Variants in SMIM10L3 observed in about 807,000 individuals in gnomAD.
SMIM10L3 encodes small integral membrane protein 10 like 3.
chr7:6,344,976 G>C, the SMIM10L3 span, among the ~76,000 whole-genome samples: 2 of 151,990 alleles, frequency 1.3e-5, no homozygotes, highest in Non-Finnish European at 2.9e-5. Context: ...CCTGACCTCA[G>C]GTGATCTGCC....
At chr7:6,331,150 C>T in the SMIM10L3 span, 2 of 1,610,094 alleles carry the variant, frequency 1.2e-6, no homozygotes, top group Admixed American at 3.4e-5. Context: ...TCTTCTGTCC[C>T]TCATGCTTCG....
chr7:6,332,113 GA>G, the SMIM10L3 span, among the ~76,000 whole-genome samples: 46,950 of 128,906 alleles, frequency 0.36, 10,203 homozygotes, highest in African/African-American at 0.63. Flanking sequence ...CCATCTCACG[GA>G]AAAAAAAAAA....
At chr7:6,335,986 T>TA in the SMIM10L3 span, among the ~76,000 whole-genome samples, 2 of 151,918 alleles carry the variant, frequency 1.3e-5, no homozygotes, top group Non-Finnish European at 2.9e-5. Context: ...CAGCCTGGTC[T>TA]ACACGGTGAA....
chr7:6,342,138 G>A, the SMIM10L3 span, among the ~76,000 whole-genome samples: 5 of 152,066 alleles, frequency 3.3e-5, no homozygotes, highest in Admixed American at 3.3e-4. Context: ...GTATTAGGTT[G>A]GTATACCAAG....
chr7:6,342,046 G>C, the SMIM10L3 span: 1 of 151,962 alleles, frequency 6.6e-6, no homozygotes, highest in Non-Finnish European at 1.5e-5. Flanking sequence ...AGATTCTAAA[G>C]ATTTTCTGCC....
the SMIM10L3 span, chr7:6,341,895 G>C: frequency 6.6e-6 from 1 of 151,926 alleles, no homozygotes. Context: ...CTGCTTGGGA[G>C]GCTGAGGCAG....
the SMIM10L3 span, among the ~76,000 whole-genome samples, chr7:6,334,126 G>C: frequency 1.3e-5 from 2 of 151,374 alleles, no homozygotes; most frequent in Admixed American, 1.3e-4. Flanking sequence ...GATTACAAGC[G>C]TGAGCCACCG....
At chr7:6,331,061 T>C in the SMIM10L3 span, 6 of 1,613,652 alleles carry the variant, frequency 3.7e-6, no homozygotes, top group East Asian at 1.1e-4. Context: ...GGCATTCTTT[T>C]CTTAAGGCTG....
the SMIM10L3 span, among the ~76,000 whole-genome samples, chr7:6,345,523 TATAA>T: frequency 6.6e-6 from 1 of 152,108 alleles, no homozygotes; most frequent in South Asian, 2.1e-4. Context: ...GAGAGGTGGT[TATAA>T]ATAGAGAAGC....
At chr7:6,337,619 G>GTATA in the SMIM10L3 span, among the ~76,000 whole-genome samples, 1 of 151,268 alleles carries the variant, frequency 6.6e-6, no homozygotes, top group East Asian at 1.9e-4. Flanking sequence ...AACTAACGCA[G>GTATA]TATAAGGTAC....
chr7:6,330,768 G>A, the SMIM10L3 span: 12 of 1,614,142 alleles, frequency 7.4e-6, no homozygotes, highest in Non-Finnish European at 1.0e-5. Context: ...CTCCCAGCCA[G>A]TCTCGCCGCC....
chr7:6,337,336 G>A, the SMIM10L3 span, among the ~76,000 whole-genome samples: 1 of 152,060 alleles, frequency 6.6e-6, no homozygotes, highest in Non-Finnish European at 1.5e-5. Context: ...TGGCCAGGCT[G>A]GTCTCTAACT....
the SMIM10L3 span, among the ~76,000 whole-genome samples, chr7:6,342,844 C>G: frequency 6.6e-6 from 1 of 151,720 alleles, no homozygotes; most frequent in Admixed American, 6.6e-5. Context: ...CGAGACCACC[C>G]TGGGCAACAT....
At chr7:6,332,631 G>C in the SMIM10L3 span, among the ~76,000 whole-genome samples, 1 of 152,086 alleles carries the variant, frequency 6.6e-6, no homozygotes, top group Non-Finnish European at 1.5e-5. Flanking sequence ...CTGGGAGGCA[G>C]AGGTCACAGT....
At chr7:6,333,645 G>A in the SMIM10L3 span, among the ~76,000 whole-genome samples, 3 of 150,584 alleles carry the variant, frequency 2.0e-5, no homozygotes, top group Non-Finnish European at 4.4e-5. Context: ...ATTACAGGCA[G>A]GCACCACCAC....
the SMIM10L3 span, among the ~76,000 whole-genome samples, chr7:6,339,320 T>C: frequency 6.6e-6 from 1 of 151,778 alleles, no homozygotes; most frequent in Non-Finnish European, 1.5e-5. Flanking sequence ...AATTAAAAAA[T>C]TAGCTGGGTG....
chr7:6,330,549 C>A, the SMIM10L3 span: 1 of 1,614,196 alleles, frequency 6.2e-7, no homozygotes, highest in South Asian at 1.1e-5. Flanking sequence ...CACTCAGGAG[C>A]ACTTCGGGAT....
chr7:6,339,864 G>A, the SMIM10L3 span, among the ~76,000 whole-genome samples: 1 of 151,476 alleles, frequency 6.6e-6, no homozygotes, highest in Admixed American at 6.6e-5. Context: ...TGCAGAGGCC[G>A]GGTGCCAGCT....
the SMIM10L3 span, chr7:6,329,465 C>G: frequency 2.0e-5 from 3 of 152,516 alleles, no homozygotes; most frequent in Non-Finnish European, 2.9e-5. Flanking sequence ...TCATTTTCCC[C>G]AAACACTAAA....
Sources: gnomAD v4.1 joint callset for allele counts (sites outside exome capture counted in the v4.1 genomes callset) on GRCh38, gnomAD v4.1.1 for gene constraint, MANE v1.5 for transcripts, NCBI Gene and HGNC (gene_info 2026-07-23, HGNC 2026-07-21) for gene names.